Variants in DGKH observed in about 807,000 individuals in gnomAD.
DGKH encodes diacylglycerol kinase eta.
In DGKH, 90 loss-of-function variants were observed where a neutral mutation model predicts 159.3. The ratio of observed to expected loss-of-function variants is 0.57; its 90% CI spans 0.48 to 0.67. DGKH has a LOEUF of 0.67. Ranked by LOEUF, DGKH falls within the 30% of genes least tolerant of loss-of-function variation. DGKH has a pLI of 0.00. For synonymous variants in DGKH, 536 were observed against 553.8 expected (o/e 0.97, Z 0.45); for missense variants, 1,181 against 1,506.1 (o/e 0.78, Z 3.57).
rs1566134341 is a variant in DGKH at position 42,151,499 on chromosome 13, G to A, written c.385-3792G>A. On this transcript the variant is annotated intron_variant, in intron 3 of 29. Coordinates refer to ENST00000337343, the MANE Select transcript of DGKH (RefSeq NM_178009.5). ...CCATGGTGTGTGTGTGTGTGTGTGT[G>A]TGTGTGTATACACATGTATATATAT... is the stretch of plus-strand genomic sequence containing the variant. Among the ~76,000 whole-genome samples, 13 of 104,496 alleles carry A rather than the reference G, an allele frequency of 1.2e-4. No individual in the cohort carries two copies. In the East Asian group the frequency reaches 1.9e-3, roughly 16 times the overall value. 68.6% of individuals were successfully genotyped at this position (104,496 alleles called of 152,430 possible).
At chr13:42,163,548 G>T (rs1956243495) in intron 7 of DGKH, among the ~76,000 whole-genome samples, 1 of 152,134 alleles carries the variant, frequency 6.6e-6, no homozygotes, top group Non-Finnish European at 1.5e-5. Flanking sequence ...TTTAATGATT[G>T]CCATTCTAAC....
intron 2 of DGKH, among the ~76,000 whole-genome samples, chr13:42,128,594 C>G (rs1389055209): frequency 6.6e-6 from 1 of 151,684 alleles, no homozygotes; most frequent in East Asian, 1.9e-4. Context: ...ACAAAGTTCC[C>G]TGTTTTCTTC....
At chr13:42,101,590 A>C (rs1194888145) in intron 1 of DGKH, among the ~76,000 whole-genome samples, 1 of 152,166 alleles carries the variant, frequency 6.6e-6, no homozygotes, top group South Asian at 2.1e-4. Context: ...GGGTGGCTTG[A>C]AAGTTTTGTT....
intron 21 of DGKH, among the ~76,000 whole-genome samples, chr13:42,207,002 T>TCTTTCTTTCTTC (rs1957495607): frequency 7.1e-6 from 1 of 141,588 alleles, no homozygotes; most frequent in East Asian, 2.1e-4. Flanking sequence ...TTTCTTTCTT[T>TCTTTCTTTCTTC]CTTTCTTTCT....
chr13:42,253,201 A>G (rs1019194812), intron 30 of DGKH, among the ~76,000 whole-genome samples: 7 of 152,090 alleles, frequency 4.6e-5, no homozygotes, highest in Non-Finnish European at 8.8e-5. Context: ...CTAATCCCCA[A>G]GGTAATGGTA....
chr13:42,243,418 T>C (rs1315689079), downstream of DGKH, among the ~76,000 whole-genome samples: 4 of 152,220 alleles, frequency 2.6e-5, no homozygotes. Flanking sequence ...TTTATAGTAA[T>C]GATTCCTTAA....
intron 11 of DGKH, 145 bp from the exon 12 acceptor site, chr13:42,173,915 A>G: frequency 2.1e-6 from 1 of 476,358 alleles, no homozygotes; most frequent in Non-Finnish European, 3.7e-6. Context: ...TGGTTGTTTT[A>G]AGATAAAATA....
intron 5 of DGKH, 22 bp from the exon 6 acceptor site, chr13:42,159,244 C>CTTGTTTTTTTTTTTTTTTTTTTTTTTTT: frequency 4.7e-6 from 1 of 213,284 alleles, no homozygotes; most frequent in Non-Finnish European, 8.1e-6. Context: ...AGCAGTTGCT[C>CTTGTTTTTTTTTTTTTTTTTTTTTTTTT]TTTTTTTTTT....
At chr13:42,142,489 T>A (rs1025569166) in intron 3 of DGKH, among the ~76,000 whole-genome samples, 1 of 151,154 alleles carries the variant, frequency 6.6e-6, no homozygotes, top group Non-Finnish European at 1.5e-5. Context: ...CCTTGGGCAG[T>A]ATGGCCATTT....
At chr13:42,170,902 C>T (rs1956438013) in intron 11 of DGKH, among the ~76,000 whole-genome samples, 1 of 143,308 alleles carries the variant, frequency 7.0e-6, no homozygotes, top group Non-Finnish European at 1.5e-5. Flanking sequence ...AAGATCATGC[C>T]AATGCACTGA....
At chr13:42,131,073 G>A (rs651891) in intron 3 of DGKH, among the ~76,000 whole-genome samples, 13,836 of 151,910 alleles carry the variant, frequency 0.091, 1,449 homozygotes, top group African/African-American at 0.26. Flanking sequence ...AGGTCATTTG[G>A]TCCCATTGAT....
At chr13:42,221,213 A>G (rs1462893730) in intron 28 of DGKH, 51 bp from the exon 29 acceptor site, 1 of 1,603,760 alleles carries the variant, frequency 6.2e-7, no homozygotes, top group Non-Finnish European at 8.5e-7. Context: ...TTTGCTTTGT[A>G]ATGCATTGAG....
At chr13:42,254,608 G>T (rs1958644005) in intron 30 of DGKH, among the ~76,000 whole-genome samples, 1 of 149,270 alleles carries the variant, frequency 6.7e-6, no homozygotes, top group Admixed American at 6.7e-5. Context: ...ACTCCACTAG[G>T]CAACAAAAGC....
At chr13:42,099,467 G>A (rs1447186569) in intron 1 of DGKH, among the ~76,000 whole-genome samples, 1 of 152,166 alleles carries the variant, frequency 6.6e-6, no homozygotes, top group Non-Finnish European at 1.5e-5. Context: ...TGGCAGCATG[G>A]AGGATTGATG....
chr13:42,187,480 G>T (rs144852112), intron 14 of DGKH, among the ~76,000 whole-genome samples: 1 of 152,062 alleles, frequency 6.6e-6, no homozygotes, highest in Admixed American at 6.5e-5. Context: ...AGGTTCAAGC[G>T]ATTCTCCTGT....
intron 1 of DGKH, among the ~76,000 whole-genome samples, chr13:42,123,765 G>A (rs184801460): frequency 2.2e-4 from 34 of 152,168 alleles, no homozygotes; most frequent in African/African-American, 8.2e-4. Context: ...TTAGGGAAAC[G>A]CACATTAAAA....
chr13:42,051,839 AT>A (rs1183575732), intron 1 of DGKH, among the ~76,000 whole-genome samples: 1 of 151,278 alleles, frequency 6.6e-6, no homozygotes, highest in African/African-American at 2.4e-5. Flanking sequence ...CTAATTTTTT[AT>A]TTTTAGTAAA....
intron 1 of DGKH, chr13:42,071,100 A>G: frequency 1.0e-6 from 1 of 992,402 alleles, no homozygotes; most frequent in African/African-American, 1.6e-5. Flanking sequence ...CCACTTTGAA[A>G]CCCTTATGAT....
chr13:42,070,028 C>A, intron 1 of DGKH: 1 of 888,938 alleles, frequency 1.1e-6, no homozygotes. Flanking sequence ...TAGTACCTTT[C>A]CCAGTTATAA....
Sources: allele counts gnomAD v4.1 joint callset (sites outside exome capture counted in the v4.1 genomes callset), GRCh38; gene constraint gnomAD v4.1.1; transcripts MANE v1.5; gene names NCBI Gene and HGNC (gene_info 2026-07-23, HGNC 2026-07-21).